Variants in POTEM observed in about 807,000 individuals in gnomAD.
The protein encoded by POTEM is putative POTE ankyrin domain family member M.
For missense variants in POTEM, 24 were observed against 343.0 expected, an observed-to-expected ratio of 0.07 and a Z score of 7.35; for synonymous variants, 8 against 113.2, an observed-to-expected ratio of 0.07 and a Z score of 5.90.
In POTEM at chr14:18,991,143, C is replaced by T. The variant is rs1473225463; in HGVS notation, c.1409+2722C>T. 3.1e-4 allele frequency among the ~76,000 whole-genome samples: 41 copies of T among 131,732 alleles called. 1 individual carries two copies. The highest frequency in any genetic ancestry group is 2.4e-4 in the Non-Finnish European group (14 of 57,374). The allele number at this position is 131,732 out of a possible 152,430, so 86.4% of individuals were successfully genotyped here. The stretch of plus-strand genomic sequence containing the variant: ...AGGTGATCTGCCTGCCTTGGCCTCA[C>T]GAAGTGTTGGGATTACAGGCATGAG... On this transcript the variant is annotated intron_variant, in intron 9 of 10. Transcript: ENST00000547889.
chr14:18,969,299 G>GTATATACGTATATATATGTATATATATA (rs1890843782), intron 1 of POTEM, among the ~76,000 whole-genome samples: 2 of 69,968 alleles, frequency 2.9e-5, no homozygotes, highest in Admixed American at 1.3e-4. Context: ...GTATATATAT[G>GTATATACGTATATATATGTATATATATA]TATATACGTA....
chr14:18,999,396 C>T lies in POTEM; in HGVS notation c.*731C>T, dbSNP rs558178344. ...GAATGCCCTCCCCCATGCCACCCTG[C>T]GCCTAGACCTGGCTGGCCGGGAACT... On this transcript the variant is annotated 3_prime_UTR_variant, in exon 11 of 11. Coordinates refer to ENST00000547889, the MANE Select transcript of POTEM (RefSeq NM_001145442.1). 1.8e-4 allele frequency among the ~76,000 whole-genome samples: 24 copies of T among 135,314 alleles called. No individual in the cohort carries two copies. Among genetic ancestry groups the T allele is most frequent in the Admixed American group, 7.6e-4 (10 of 13,116 alleles). 88.8% of individuals were successfully genotyped at this position (135,314 alleles called of 152,430 possible).
chr14:18,969,305 ACG>A (rs1491492414), intron 1 of POTEM, among the ~76,000 whole-genome samples: 264 of 59,366 alleles, frequency 4.4e-3, no homozygotes, highest in African/African-American at 0.018. Context: ...ATATGTATAT[ACG>A]TATATATATG....
intron 5 of POTEM, among the ~76,000 whole-genome samples, chr14:18,979,526 A>AC (rs1891028029): frequency 1.8e-5 from 1 of 54,152 alleles, no homozygotes; most frequent in Admixed American, 2.5e-4. Flanking sequence ...TCTGAAAACT[A>AC]CAACATTTGC....
chr14:18,968,942 T>A (rs1456810989), intron 1 of POTEM, among the ~76,000 whole-genome samples: 66 of 149,804 alleles, frequency 4.4e-4, no homozygotes, highest in African/African-American at 1.6e-3. Flanking sequence ...CTAAGTTAAT[T>A]TTTTTGTAGC....
chr14:18,969,383 A>ATGTGTATATATATAT, intron 1 of POTEM, among the ~76,000 whole-genome samples: 1 of 73,626 alleles, frequency 1.4e-5, no homozygotes, highest in South Asian at 4.8e-4. Flanking sequence ...ATATATACAC[A>ATGTGTATATATATAT]AAATTTCTTT....
At chr14:18,969,100 T>C (rs1890835898) in intron 1 of POTEM, among the ~76,000 whole-genome samples, 1 of 145,926 alleles carries the variant, frequency 6.9e-6, no homozygotes, top group Admixed American at 6.8e-5. Context: ...AATTTAGCGC[T>C]TGATAATGGT....
At chr14:18,981,975 T>C (rs1891094369) in intron 6 of POTEM, among the ~76,000 whole-genome samples, 1 of 147,580 alleles carries the variant, frequency 6.8e-6, no homozygotes, top group African/African-American at 2.5e-5. Context: ...AGGATCCCAC[T>C]TGTCCCTCTT....
chr14:19,002,705 A>T lies in POTEM; in HGVS notation c.*4040A>T, dbSNP rs1891405487. 6.6e-6 allele frequency among the ~76,000 whole-genome samples: 1 copy of T among 152,226 alleles called. No homozygotes were observed. The highest frequency in any genetic ancestry group is 1.5e-5 in the Non-Finnish European group (1 of 68,024). On this transcript the variant is annotated 3_prime_UTR_variant, in exon 11 of 11. Transcript: ENST00000547889. ...CATACCATAGTTTCTGTGCTAGTGG[A>T]CCGTACCATATCAGTGGAGAGCTGC...
At chr14:18,985,924 AAAAAAT>A (rs1393234069) in intron 7 of POTEM, among the ~76,000 whole-genome samples, 5 of 127,962 alleles carry the variant, frequency 3.9e-5, no homozygotes, top group Non-Finnish European at 8.1e-5. Context: ...AAAAAAAAAA[AAAAAAT>A]ATTTTAATAG....
chr14:18,991,188 C>T (rs2818566), intron 9 of POTEM, among the ~76,000 whole-genome samples: 2 of 105,372 alleles, frequency 1.9e-5, no homozygotes, highest in African/African-American at 5.8e-5. Context: ...CTGGCCCTTC[C>T]TGACTTTTTC....
chr14:18,968,625 C>A (rs1458148598), intron 1 of POTEM, among the ~76,000 whole-genome samples: 1 of 139,176 alleles, frequency 7.2e-6, no homozygotes, highest in Admixed American at 7.0e-5. Context: ...TCGAGACCAT[C>A]CTGGCTAACA....
intron 1 of POTEM, among the ~76,000 whole-genome samples, chr14:18,968,434 T>C (rs371783328): frequency 2.9e-3 from 442 of 150,348 alleles, no homozygotes; most frequent in African/African-American, 0.011. Context: ...ATGTACACTA[T>C]GTAAATATGT....
chr14:18,968,527 T>G, intron 1 of POTEM, among the ~76,000 whole-genome samples: 1 of 151,470 alleles, frequency 6.6e-6, no homozygotes, highest in Non-Finnish European at 1.5e-5. Flanking sequence ...TTTCTGAAGA[T>G]GTGAGCTTTT....
intron 1 of POTEM, among the ~76,000 whole-genome samples, chr14:18,968,500 G>A (rs1230563502): frequency 6.6e-6 from 1 of 152,056 alleles, no homozygotes; most frequent in Admixed American, 6.5e-5. Context: ...TCTTGTGCTT[G>A]AATAGGAAGA....
intron 7 of POTEM, 150 bp from the exon 8 acceptor site, chr14:18,987,018 AT>A (rs1180510509): frequency 4.4e-5 from 3 of 68,112 alleles, no homozygotes; most frequent in Admixed American, 1.9e-4. Flanking sequence ...ATTATTATTT[AT>A]TTTTTAAGTT....
chr14:18,969,316 T>TAC (rs1555341454), intron 1 of POTEM, among the ~76,000 whole-genome samples: 3 of 20,494 alleles, frequency 1.5e-4, no homozygotes, highest in Admixed American at 5.0e-4. Context: ...CGTATATATA[T>TAC]GTATATATAT....
chr14:18,998,436 CAGGAGCA>C (rs1891328791), intron 10 of POTEM, among the ~76,000 whole-genome samples: 1 of 38,270 alleles, frequency 2.6e-5, no homozygotes. Flanking sequence ...TTTAGGAATT[CAGGAGCA>C]GATTCCTAAA....
At chr14:18,969,378 TAC>T (rs1235545430) in intron 1 of POTEM, among the ~76,000 whole-genome samples, 29 of 107,470 alleles carry the variant, frequency 2.7e-4, no homozygotes, top group East Asian at 1.5e-3. Flanking sequence ...TATATATATA[TAC>T]ACAAAATTTC....
Sources: gnomAD v4.1 joint callset for allele counts (sites outside exome capture counted in the v4.1 genomes callset) on GRCh38, gnomAD v4.1.1 for gene constraint, MANE v1.5 for transcripts, NCBI Gene and HGNC (gene_info 2026-07-23, HGNC 2026-07-21) for gene names.